Variants in MYH11 observed in about 807,000 individuals in gnomAD.
MYH11 encodes myosin heavy chain 11.
In MYH11, 80 loss-of-function variants were observed where a neutral mutation model predicts 246.6. The observed-to-expected ratio is 0.32, with a 90% confidence interval of 0.27 to 0.39. The LOEUF is 0.39. MYH11 is among the 10% of genes least tolerant of loss of function. The pLI is 1.00. For missense variants in MYH11, 2,158 were observed against 2,546.8 expected (o/e 0.85, Z 3.29); for synonymous variants, 1,071 against 1,015.5 (o/e 1.05, Z -1.04).
At chr16:15,765,662 A>G (rs115364997) in intron 9 of MYH11, among the ~76,000 whole-genome samples, 6,217 of 152,220 alleles carry the variant, frequency 0.041, 169 homozygotes, top group East Asian at 0.12. Context: ...CCTTCACAAC[A>G]GCTATTCTCA....
At chr16:15,856,333 T>TAAAA (rs548513969) in intron 1 of MYH11, among the ~76,000 whole-genome samples, 9 of 140,852 alleles carry the variant, frequency 6.4e-5, no homozygotes, top group African/African-American at 2.1e-4. Flanking sequence ...CTAAACTGAT[T>TAAAA]AAAAAAAAAA....
At chr16:15,764,767 T>C (rs764629056) in intron 9 of MYH11, among the ~76,000 whole-genome samples, 8 of 152,206 alleles carry the variant, frequency 5.3e-5, no homozygotes, top group South Asian at 2.1e-4. Context: ...CTGCACGCTA[T>C]GGCATACACA....
At chr16:15,833,207 G>T (rs565602971) in intron 2 of MYH11, among the ~76,000 whole-genome samples, 101 of 151,686 alleles carry the variant, frequency 6.7e-4, no homozygotes, top group African/African-American at 2.3e-3. Flanking sequence ...ACTGAGATAG[G>T]ATCCCTTGAG....
Position 15,734,997 on chromosome 16 carries a change from T to C in MYH11, c.3506+369A>G, listed in dbSNP as rs551664630. Among the ~76,000 whole-genome samples, 397 of 151,916 alleles carry C rather than the reference T, an allele frequency of 2.6e-3. 4 individuals are homozygous for C. Among genetic ancestry groups the C allele is most frequent in the African/African-American group, 8.8e-3 (363 of 41,434 alleles). ...GAGTTCAAGTCCAGCCTGGGCAACA[T>C]GGCAAAACTCCATCTCTACTAAAAA... On this transcript the variant is annotated intron_variant, in intron 26 of 40. Transcript: ENST00000300036.
chr16:15,850,910 A>G (rs1345872838), intron 1 of MYH11, among the ~76,000 whole-genome samples: 1 of 152,106 alleles, frequency 6.6e-6, no homozygotes, highest in East Asian at 1.9e-4. Context: ...GAAAAAAAAG[A>G]AAAAAGAAAA....
chr16:15,708,803 C>T (rs772484878), intron 40 of MYH11: 1 of 1,607,856 alleles, frequency 6.2e-7, no homozygotes, highest in South Asian at 1.1e-5. Flanking sequence ...GGCATGATAC[C>T]TGGTGCATCA....
chr16:15,763,110 G>A (rs908174512), intron 10 of MYH11, among the ~76,000 whole-genome samples: 5 of 151,962 alleles, frequency 3.3e-5, no homozygotes, highest in Admixed American at 6.6e-5. Context: ...GTATAATCAC[G>A]GTCCAAATGT....
At chr16:15,789,478 C>T (rs2042558432) in intron 4 of MYH11, among the ~76,000 whole-genome samples, 1 of 152,200 alleles carries the variant, frequency 6.6e-6, no homozygotes, top group South Asian at 2.1e-4. Context: ...CTCCTGCTTT[C>T]ACACAGATAG....
chr16:15,779,589 C>T (rs2042300512), intron 6 of MYH11, among the ~76,000 whole-genome samples: 2 of 152,224 alleles, frequency 1.3e-5, no homozygotes, highest in South Asian at 2.1e-4. Flanking sequence ...CCCCAGACCC[C>T]ACCCTGCTCC....
chr16:15,798,432 C>A (rs1027376656), intron 4 of MYH11, among the ~76,000 whole-genome samples: 2 of 152,040 alleles, frequency 1.3e-5, no homozygotes, highest in Non-Finnish European at 2.9e-5. Context: ...CAAATGATAG[C>A]AGGTGTCATT....
chr16:15,829,691 TGTGACC>T (rs769123808), intron 2 of MYH11, among the ~76,000 whole-genome samples: 1 of 152,196 alleles, frequency 6.6e-6, no homozygotes, highest in Non-Finnish European at 1.5e-5. Context: ...ATTTCCCTCT[TGTGACC>T]GTATTAGGAA....
intron 27 of MYH11, among the ~76,000 whole-genome samples, chr16:15,729,058 C>T (rs1410008414): frequency 6.6e-6 from 1 of 151,812 alleles, no homozygotes; most frequent in Non-Finnish European, 1.5e-5. Context: ...ACCGGTCAGC[C>T]CTGGATGCCC....
At chr16:15,819,609 G>A (rs955771176) in intron 3 of MYH11, among the ~76,000 whole-genome samples, 4 of 152,158 alleles carry the variant, frequency 2.6e-5, no homozygotes, top group South Asian at 2.1e-4. Flanking sequence ...AGATGGGACC[G>A]TCTAGTTGCA....
At chr16:15,763,968 A>G in intron 9 of MYH11, 77 bp from the exon 10 acceptor site, 3 of 1,135,546 alleles carry the variant, frequency 2.6e-6, no homozygotes, top group Middle Eastern at 2.5e-4. Flanking sequence ...GCCTAAAGCC[A>G]CTGGGGACCC....
In MYH11 at chr16:15,747,937, C is replaced by A. The variant is rs1173410086; in HGVS notation, c.2187G>T (p.Glu729Asp). The A allele has an allele frequency of 6.2e-7, 1 of 1,614,014 alleles. No homozygotes were observed. The highest frequency in any genetic ancestry group is 8.5e-7 in the Non-Finnish European group (1 of 1,180,046). The change falls in exon 18 of 41, where the codon GAG (glutamate) becomes GAT (aspartate). Residue 729 changes from glutamate (E) to aspartate (D), a missense_variant. This residue lies in a region of MYH11 where 317 missense variants were observed against 507.7 expected (regional missense o/e 0.62). Coordinates refer to ENST00000300036, the MANE Select transcript of MYH11 (RefSeq NM_002474.3). Reference protein sequence around the residue: ...IVFQEFRQRYEILAANAIPKG... With the variant: ...IVFQEFRQRYDILAANAIPKG... ...TGGGGATGGCATTCGCCGCCAGGAT[C>A]TCGTAGCTTGAAACACAGAGCAGAA... is the stretch of plus-strand genomic sequence containing the variant.
At chr16:15,714,543 G>T (rs538180824) in intron 40 of MYH11, 6 of 399,342 alleles carry the variant, frequency 1.5e-5, no homozygotes, top group African/African-American at 1.0e-4. Flanking sequence ...GGAAGGAGGT[G>T]AAGTGGCGGG....
At chr16:15,793,185 A>G (rs1174886426) in intron 4 of MYH11, among the ~76,000 whole-genome samples, 1 of 152,134 alleles carries the variant, frequency 6.6e-6, no homozygotes. Flanking sequence ...CATGGCCTCT[A>G]ATTAAACTGA....
intron 15 of MYH11, among the ~76,000 whole-genome samples, chr16:15,752,093 C>T (rs1051657863): frequency 3.3e-5 from 5 of 151,840 alleles, no homozygotes; most frequent in Admixed American, 2.0e-4. Context: ...TGCGCAGCCT[C>T]ATGCTTGTCT....
intron 40 of MYH11, among the ~76,000 whole-genome samples, chr16:15,708,258 G>A (rs1261834620): frequency 6.6e-6 from 1 of 152,216 alleles, no homozygotes; most frequent in Non-Finnish European, 1.5e-5. Context: ...AGACAAGCCT[G>A]TGAAAGCTGA....
Sources: allele counts gnomAD v4.1 joint callset (sites outside exome capture counted in the v4.1 genomes callset), GRCh38; gene constraint gnomAD v4.1.1; regional missense constraint gnomAD v4.1.1; transcripts MANE v1.5; gene names NCBI Gene and HGNC (gene_info 2026-07-23, HGNC 2026-07-21).